TXLNB: variants seen among roughly 807,000 people sequenced by gnomAD.
TXLNB encodes the protein beta-taxilin.
A neutral mutation model predicts 57.4 loss-of-function variants in TXLNB; 37 were observed. The observed-to-expected ratio is 0.64, with a 90% CI of 0.50 to 0.85. TXLNB has a LOEUF of 0.85. Ranked by LOEUF, TXLNB falls within the 40% of genes least tolerant of loss-of-function variation. The pLI, the probability that TXLNB is intolerant of heterozygous loss-of-function variation, is 0.00. For synonymous variants in TXLNB, 302 were observed against 309.6 expected (o/e 0.98, Z 0.26); for missense variants, 848 against 825.6 (o/e 1.03, Z -0.33).
At chr6:139,317,638 G>T in the TXLNB span, among the ~76,000 whole-genome samples, 1 of 151,840 alleles carries the variant, frequency 6.6e-6, no homozygotes, top group Non-Finnish European at 1.5e-5. Flanking sequence ...TGACCTTCCC[G>T]CCTCGGCCTC....
the TXLNB span, among the ~76,000 whole-genome samples, chr6:139,160,260 A>T: frequency 6.6e-6 from 1 of 152,218 alleles, no homozygotes; most frequent in Admixed American, 6.5e-5. Flanking sequence ...TTTTTTAAAC[A>T]ATGCCAACTC....
the TXLNB span, among the ~76,000 whole-genome samples, chr6:139,314,224 TA>T: frequency 1.3e-5 from 2 of 152,198 alleles, no homozygotes; most frequent in African/African-American, 4.8e-5. Flanking sequence ...GAGATTTAAC[TA>T]AGACTCTGGG....
At chr6:139,170,780 T>G in the TXLNB span, among the ~76,000 whole-genome samples, 1 of 152,068 alleles carries the variant, frequency 6.6e-6, no homozygotes, top group African/African-American at 2.4e-5. Context: ...ATTTTCAGTG[T>G]TTTTTTAAAG....
chr6:139,220,647 G>C, the TXLNB span, among the ~76,000 whole-genome samples: 1 of 152,144 alleles, frequency 6.6e-6, no homozygotes, highest in Non-Finnish European at 1.5e-5. Flanking sequence ...ACTTATTGTG[G>C]CACACTTTCC....
At chr6:139,167,330 G>A in the TXLNB span, 1 of 1,560,296 alleles carries the variant, frequency 6.4e-7, no homozygotes, top group Non-Finnish European at 8.8e-7. Flanking sequence ...TCAAGGTATA[G>A]GTGTTAATTC....
intron 6 of TXLNB, among the ~76,000 whole-genome samples, chr6:139,259,114 T>C (rs939337673): frequency 1.3e-5 from 2 of 152,162 alleles, no homozygotes; most frequent in Non-Finnish European, 1.5e-5. Context: ...CCCTCTTCTC[T>C]GCTGCCATAT....
chr6:139,236,445 T>C (rs918648904), downstream of TXLNB, among the ~76,000 whole-genome samples: 1 of 152,084 alleles, frequency 6.6e-6, no homozygotes, highest in African/African-American at 2.4e-5. Context: ...TAAGGGAACT[T>C]TTCCCATTTC....
chr6:139,195,254 A>C, the TXLNB span, among the ~76,000 whole-genome samples: 1 of 152,204 alleles, frequency 6.6e-6, no homozygotes, highest in Non-Finnish European at 1.5e-5. Flanking sequence ...AACAATTTTA[A>C]AACATTTTAT....
chr6:139,311,931 G>C, the TXLNB span, among the ~76,000 whole-genome samples: 4 of 152,130 alleles, frequency 2.6e-5, no homozygotes, highest in East Asian at 7.7e-4. Context: ...ACATGATAGA[G>C]AGACTGAACT....
chr6:139,199,751 G>A, the TXLNB span: 6 of 152,380 alleles, frequency 3.9e-5, no homozygotes, highest in Admixed American at 6.5e-5. Context: ...AGAGCATGGT[G>A]CATTTCTAGA....
Position 139,242,742 on chromosome 6 carries a change from C to G in TXLNB, c.1839G>C (p.Gln613His). 6.2e-7 allele frequency: 1 copy of G among 1,613,520 alleles called. No individual in the cohort carries two copies. The stretch of plus-strand genomic sequence containing the variant: ...AGGCCTCGGTGGGAGCCTGTGGGGC[C>G]TGACCGGAAGCTTCTGCCTCTGGCT... ...SWKPEAEASG[Q>H]APQAPTEASL... Residue 613 changes from glutamine (Q) to histidine (H), a missense_variant, in exon 10 of 10, where the codon CAG becomes CAC. Gln to His is a conservative substitution (Grantham distance 24). Transcript: ENST00000358430.
chr6:139,192,801 G>A, the TXLNB span, among the ~76,000 whole-genome samples: 7 of 150,446 alleles, frequency 4.7e-5, no homozygotes, highest in African/African-American at 1.7e-4. Context: ...AAGAAAGAAA[G>A]AAATACAAAA....
intron 1 of TXLNB, among the ~76,000 whole-genome samples, chr6:139,289,527 A>G (rs1777259659): frequency 6.6e-6 from 1 of 152,162 alleles, no homozygotes; most frequent in Middle Eastern, 3.4e-3. Context: ...GTCCTGCTGC[A>G]TTACAATTAT....
chr6:139,207,185 T>G, the TXLNB span, among the ~76,000 whole-genome samples: 36 of 152,336 alleles, frequency 2.4e-4, no homozygotes, highest in African/African-American at 8.2e-4. Flanking sequence ...TATTCATTAT[T>G]CTCATCAGCA....
the TXLNB span, among the ~76,000 whole-genome samples, chr6:139,223,814 G>A: frequency 3.9e-5 from 6 of 152,078 alleles, no homozygotes; most frequent in African/African-American, 1.4e-4. Flanking sequence ...TGGAGAGGAT[G>A]TGGAGAAATA....
intron 1 of TXLNB, among the ~76,000 whole-genome samples, chr6:139,291,403 A>G (rs186740885): frequency 1.3e-5 from 2 of 152,344 alleles, no homozygotes; most frequent in Admixed American, 1.3e-4. Flanking sequence ...TACTTCGGTT[A>G]GTCTAAATGC....
In TXLNB at chr6:139,270,329, G is replaced by A. The variant is rs568108446; in HGVS notation, c.687+127C>T. ...ATTATTTAAGGTTACAAGCAAGCAA[G>A]GGGCAGAGGCAGTATTTGAACCCAA... On this transcript the variant is annotated intron_variant, in intron 4 of 9. Transcript: ENST00000358430. 6.7e-5 allele frequency: 57 copies of A among 855,748 alleles called. No individual in the cohort carries two copies. The African/African-American group carries it at 9.4e-4, about 14-fold the overall frequency. The allele number at this position is 855,748 out of a possible 1,614,324, so 53.0% of individuals were successfully genotyped here. A position where few individuals can be genotyped will look rare whatever the true frequency, so the allele number is the denominator to read the frequency against.
the TXLNB span, among the ~76,000 whole-genome samples, chr6:139,193,844 T>TCA: frequency 1.9e-5 from 1 of 53,534 alleles, no homozygotes; most frequent in African/African-American, 8.1e-5. Context: ...ATATATATTT[T>TCA]TTTTTTTTTT....
intron 2 of TXLNB, among the ~76,000 whole-genome samples, chr6:139,287,655 A>G (rs1777206423): frequency 6.6e-6 from 1 of 152,238 alleles, no homozygotes. Context: ...GGAAAGTATC[A>G]CATAGGAGGG....
Sources: gnomAD v4.1 joint callset for allele counts (sites outside exome capture counted in the v4.1 genomes callset) on GRCh38, gnomAD v4.1.1 for gene constraint, MANE v1.5 for transcripts, NCBI Gene and HGNC (gene_info 2026-07-23, HGNC 2026-07-21) for gene names.